Variants in TMEM35B observed in about 807,000 individuals in gnomAD.
TMEM35B encodes ZMYM6 neighbor protein.
A neutral mutation model predicts 8.7 loss-of-function variants in TMEM35B; 6 were observed. That is an observed-to-expected ratio of 0.69 (90% confidence interval 0.38 to 1.36). The LOEUF (loss-of-function observed/expected upper bound fraction) is 1.36, where lower values mean the gene tolerates loss of function less well. Ranked by LOEUF, TMEM35B falls within the 40% of genes most tolerant of loss-of-function variation. The pLI is 0.02. For missense variants in TMEM35B, 176 were observed against 181.6 expected, an observed-to-expected ratio of 0.97 and a Z score of 0.18; for synonymous variants, 89 against 87.0, an observed-to-expected ratio of 1.02 and a Z score of -0.13.
rs1226812141 is a variant in TMEM35B at position 34,983,597 on chromosome 1, AAAAAAAAAT to A, written c.289+161_289+169del. On this transcript the variant is annotated intron_variant, in intron 2 of 2. Coordinates refer to ENST00000373337, the Ensembl canonical transcript of TMEM35B. ...CCATCTCAAAAAAAAAAAAAAAAAA[AAAAAAAAAT>A]ACCTGTGCTAGTTTGAAGACCATGG... is the stretch of plus-strand genomic sequence containing the variant. Among the ~76,000 whole-genome samples the A allele has an allele frequency of 6.0e-4, 88 of 146,018 alleles. 2 individuals are homozygous for A. Among genetic ancestry groups the A allele is most frequent in the African/African-American group, 2.3e-3 (84 of 36,164 alleles).
intron 1 of TMEM35B, among the ~76,000 whole-genome samples, chr1:34,984,983 G>A (rs1640550359): frequency 6.6e-6 from 1 of 151,960 alleles, no homozygotes; most frequent in African/African-American, 2.4e-5. Context: ...GCAGGAAGGG[G>A]AGGTTCTGTC....
At chr1:34,985,271 A>T in exon 1 of TMEM35B, 1 of 1,543,006 alleles carries the variant, frequency 6.5e-7, no homozygotes, top group Non-Finnish European at 8.7e-7. Context: ...GAAGCCGCCC[A>T]GCAGTACACG....
chr1:34,984,132 A>C (rs924408939), intron 1 of TMEM35B, among the ~76,000 whole-genome samples, 185 bp from the exon 2 acceptor site: 7 of 152,190 alleles, frequency 4.6e-5, no homozygotes, highest in East Asian at 3.8e-4. Flanking sequence ...TGAGCTTTGG[A>C]ATCAGGAAAC....
intron 2 of TMEM35B, 87 bp downstream of exon 2, chr1:34,983,680 G>A: frequency 8.6e-7 from 1 of 1,159,600 alleles, no homozygotes. Context: ...AAAAAAGAAG[G>A]GTGGCAACAG....
At chr1:34,984,265 G>T (rs1003025803) in intron 1 of TMEM35B, among the ~76,000 whole-genome samples, 1 of 152,178 alleles carries the variant, frequency 6.6e-6, no homozygotes, top group African/African-American at 2.4e-5. Flanking sequence ...CAAGGCCTGG[G>T]GAATTCCACA....
At chr1:34,983,679 G>C (rs1008651393) in intron 2 of TMEM35B, 88 bp downstream of exon 2, 28 of 1,143,336 alleles carry the variant, frequency 2.4e-5, no homozygotes, top group Non-Finnish European at 3.2e-5. Flanking sequence ...GAAAAAAGAA[G>C]GGTGGCAACA....
chr1:34,982,221 T>C (rs1640514444), intron 2 of TMEM35B, 102 bp from the exon 3 acceptor site: 1 of 1,054,724 alleles, frequency 9.5e-7, no homozygotes, highest in Non-Finnish European at 1.3e-6. Flanking sequence ...GCCCAAGCCC[T>C]CCCATTAAAC....
exon 3 of TMEM35B, chr1:34,981,760 T>G (rs942054642): frequency 4.8e-6 from 2 of 413,594 alleles, no homozygotes; most frequent in Non-Finnish European, 8.1e-6. Context: ...AATGTTAATA[T>G]GCATAACATG....
intron 1 of TMEM35B, among the ~76,000 whole-genome samples, chr1:34,984,720 G>A (rs1296114264): frequency 6.6e-6 from 1 of 152,200 alleles, no homozygotes; most frequent in Non-Finnish European, 1.5e-5. Flanking sequence ...TGTCTAGCTT[G>A]TGTCCTGCTT....
intron 2 of TMEM35B, among the ~76,000 whole-genome samples, 189 bp downstream of exon 2, chr1:34,983,578 C>CAAAAAAAAAAAAAAAA (rs1163962621): frequency 1.3e-4 from 3 of 23,222 alleles, no homozygotes; most frequent in African/African-American, 2.6e-4. Flanking sequence ...GACTCCATCT[C>CAAAAAAAAAAAAAAAA]AAAAAAAAAA....
chr1:34,982,329 A>G (rs1233304599), intron 2 of TMEM35B, among the ~76,000 whole-genome samples: 1 of 152,098 alleles, frequency 6.6e-6, no homozygotes, highest in Non-Finnish European at 1.5e-5. Flanking sequence ...CTCTTGAACA[A>G]CAGCAGCAGT....
chr1:34,982,195 A>G (rs566171538), intron 2 of TMEM35B, 76 bp from the exon 3 acceptor site: 15 of 1,361,664 alleles, frequency 1.1e-5, no homozygotes, highest in Middle Eastern at 2.7e-4. Flanking sequence ...TCTCTAGTTT[A>G]GGCTGACCCA....
chr1:34,983,378 A>G (rs1160614018), intron 2 of TMEM35B, among the ~76,000 whole-genome samples: 2 of 152,028 alleles, frequency 1.3e-5, no homozygotes, highest in African/African-American at 4.8e-5. Flanking sequence ...GGAGATCGAG[A>G]CCATCCTGGC....
intron 2 of TMEM35B, 107 bp downstream of exon 2, chr1:34,983,660 G>T: frequency 1.1e-5 from 9 of 852,576 alleles, no homozygotes; most frequent in East Asian, 3.6e-5. Context: ...AAGTGCTCTT[G>T]ATCCCAGAGA....
intron 1 of TMEM35B, among the ~76,000 whole-genome samples, chr1:34,984,808 T>G (rs887109769): frequency 6.6e-6 from 1 of 151,874 alleles, no homozygotes; most frequent in Non-Finnish European, 1.5e-5. Context: ...CCAGGATTAC[T>G]ACACCCCAAC....
exon 3 of TMEM35B, chr1:34,982,100 T>C: frequency 6.5e-7 from 1 of 1,546,946 alleles, no homozygotes; most frequent in Non-Finnish European, 8.7e-7. Flanking sequence ...CTTTCAGAGC[T>C]GCCAAGGTGA....
At chr1:34,983,560 A>C (rs1640529314) in intron 2 of TMEM35B, among the ~76,000 whole-genome samples, 1 of 143,572 alleles carries the variant, frequency 7.0e-6, no homozygotes, top group African/African-American at 2.7e-5. Context: ...GCCTGGGCGA[A>C]AGAGCGAGAC....
At chr1:34,985,146 G>C in intron 1 of TMEM35B, 52 bp downstream of exon 1, 2 of 1,424,316 alleles carry the variant, frequency 1.4e-6, no homozygotes, top group Non-Finnish European at 1.9e-6. Flanking sequence ...CGGCAGGGCG[G>C]AGCACACGCC....
chr1:34,982,630 C>T (rs533153728), intron 2 of TMEM35B, among the ~76,000 whole-genome samples: 21 of 152,094 alleles, frequency 1.4e-4, no homozygotes, highest in African/African-American at 5.1e-4. Flanking sequence ...GCGCGCACCA[C>T]CACGCCCGGC....
Sources: gnomAD v4.1 joint callset for allele counts (sites outside exome capture counted in the v4.1 genomes callset) on GRCh38, gnomAD v4.1.1 for gene constraint, MANE v1.5 for transcripts, NCBI Gene and HGNC (gene_info 2026-07-23, HGNC 2026-07-21) for gene names.